The following RBMS1 variants were observed in gnomAD, a reference collection of about 807,000 sequenced individuals.
The protein encoded by RBMS1 is RNA-binding motif, single-stranded-interacting protein 1.
In RBMS1, 17 loss-of-function variants were observed where a neutral mutation model predicts 62.3. The observed-to-expected ratio is 0.27, with a 90% CI of 0.19 to 0.41. The LOEUF (loss-of-function observed/expected upper bound fraction) is 0.41, where lower values mean the gene tolerates loss of function less well. RBMS1 is among the 10% of genes least tolerant of loss of function. RBMS1 has a pLI of 1.00. For synonymous variants in RBMS1, 172 were observed against 170.0 expected (o/e 1.01, Z -0.09); for missense variants, 334 against 504.5 (o/e 0.66, Z 3.24).
At chr2:160,285,089 T>C in intron 7 of RBMS1, 45 bp from the exon 8 acceptor site, 1 of 1,577,164 alleles carries the variant, frequency 6.3e-7, no homozygotes, top group Non-Finnish European at 8.7e-7. Context: ...TAGAAAGGCA[T>C]GATTTAAAAA....
chr2:160,492,800 T>A (rs1283432132), intron 1 of RBMS1: 2 of 153,328 alleles, frequency 1.3e-5, no homozygotes, highest in African/African-American at 4.8e-5. Context: ...CCAGCCCCAG[T>A]CATCGCGTGC....
chr2:160,357,870 T>C (rs900894485), intron 2 of RBMS1, among the ~76,000 whole-genome samples: 1 of 152,180 alleles, frequency 6.6e-6, no homozygotes, highest in Non-Finnish European at 1.5e-5. Flanking sequence ...GATGGTTCTC[T>C]ATTGGGAAGC....
At chr2:160,308,353 C>T (rs1016053207) in intron 4 of RBMS1, among the ~76,000 whole-genome samples, 1 of 151,912 alleles carries the variant, frequency 6.6e-6, no homozygotes, top group African/African-American at 2.4e-5. Flanking sequence ...CCGATATCAC[C>T]CCACTGCACT....
intron 4 of RBMS1, among the ~76,000 whole-genome samples, chr2:160,311,221 T>TCTCTCTCTCTCTCTCC (rs1248792658): frequency 2.2e-5 from 1 of 45,142 alleles, no homozygotes; most frequent in African/African-American, 7.0e-5. Flanking sequence ...TCTATCTATC[T>TCTCTCTCTCTCTCTCC]ATCTATCTAT....
At chr2:160,375,970 C>T (rs1693975845) in intron 1 of RBMS1, among the ~76,000 whole-genome samples, 1 of 151,872 alleles carries the variant, frequency 6.6e-6, no homozygotes, top group African/African-American at 2.4e-5. Flanking sequence ...TTCAGAATAC[C>T]TCTGCAATGC....
chr2:160,314,438 C>T lies in RBMS1; in HGVS notation c.311-1191G>A, dbSNP rs148883601. 1.2e-3 allele frequency among the ~76,000 whole-genome samples: 177 copies of T among 152,196 alleles called. 1 individual carries two copies. The highest frequency in any genetic ancestry group is 4.2e-3 in the African/African-American group (173 of 41,534). On this transcript the variant is annotated intron_variant, in intron 3 of 13. Coordinates refer to ENST00000348849, the MANE Select transcript of RBMS1 (RefSeq NM_016836.4). ...AGGAGCTAGCCCTATCATTTACTTA[C>T]AGAAATATTACTAAGTAATATTTCT... is the stretch of plus-strand genomic sequence containing the variant.
At chr2:160,348,591 A>T (rs1166030734) in intron 2 of RBMS1, among the ~76,000 whole-genome samples, 3 of 152,148 alleles carry the variant, frequency 2.0e-5, no homozygotes, top group African/African-American at 7.2e-5. Flanking sequence ...CTGAGCCTGA[A>T]GAGCTTGTCT....
chr2:160,317,955 T>G (rs1443972657), intron 3 of RBMS1, among the ~76,000 whole-genome samples: 1 of 152,176 alleles, frequency 6.6e-6, no homozygotes, highest in African/African-American at 2.4e-5. Flanking sequence ...TCTGGAATTC[T>G]GGCAAACTGC....
intron 4 of RBMS1, among the ~76,000 whole-genome samples, chr2:160,306,814 T>C (rs984835152): frequency 1.3e-4 from 20 of 152,118 alleles, no homozygotes; most frequent in African/African-American, 4.1e-4. Context: ...AGACATATAA[T>C]GCATGTGATA....
chr2:160,313,142 G>A lies in RBMS1; in HGVS notation c.402+14C>T, dbSNP rs1690023687. On this transcript the variant is annotated intron_variant, in intron 4 of 13. Coordinates refer to ENST00000348849, the MANE Select transcript of RBMS1 (RefSeq NM_016836.4). ...GCTGTGGAACAGAGAAGCAATTGCT[G>A]GCTCTCAACTCACCTTTGCCATTTG... The A allele has an allele frequency of 6.2e-7, 1 of 1,611,172 alleles. No individual in the cohort carries two copies. Among genetic ancestry groups the A allele is most frequent in the East Asian group, 2.2e-5 (1 of 44,792 alleles).
chr2:160,342,204 A>C (rs578211907), intron 2 of RBMS1, among the ~76,000 whole-genome samples: 1 of 152,206 alleles, frequency 6.6e-6, no homozygotes, highest in Non-Finnish European at 1.5e-5. Context: ...ATAAAATTTT[A>C]AACATAAATA....
chr2:160,346,174 T>G (rs1463799366), intron 2 of RBMS1, among the ~76,000 whole-genome samples: 1 of 152,168 alleles, frequency 6.6e-6, no homozygotes, highest in Non-Finnish European at 1.5e-5. Context: ...TCTTTTGTTC[T>G]GGGTCTTTAC....
chr2:160,299,440 C>T (rs1306707921), intron 6 of RBMS1, among the ~76,000 whole-genome samples: 1 of 152,084 alleles, frequency 6.6e-6, no homozygotes, highest in Admixed American at 6.6e-5. Context: ...CACGTTTCCC[C>T]CCATTTCGTC....
At chr2:160,329,711 G>A (rs1199342111) in intron 2 of RBMS1, among the ~76,000 whole-genome samples, 1 of 151,804 alleles carries the variant, frequency 6.6e-6, no homozygotes, top group African/African-American at 2.4e-5. Context: ...CTGTTTTCCA[G>A]ATAATGATGT....
At chr2:160,358,573 T>C (rs62177308) in intron 2 of RBMS1, among the ~76,000 whole-genome samples, 11,667 of 152,170 alleles carry the variant, frequency 0.077, 636 homozygotes, top group South Asian at 0.19. Context: ...AATGAGTTGT[T>C]TTCTGGAACA....
intron 1 of RBMS1, among the ~76,000 whole-genome samples, chr2:160,450,563 TGAA>T (rs1683929793): frequency 8.2e-6 from 1 of 122,392 alleles, no homozygotes; most frequent in African/African-American, 3.0e-5. Context: ...AAATAAAAAA[TGAA>T]AAAAAAAAAA....
chr2:160,361,640 C>T (rs1484557758), intron 2 of RBMS1, among the ~76,000 whole-genome samples: 3 of 152,224 alleles, frequency 2.0e-5, no homozygotes, highest in Non-Finnish European at 1.5e-5. Context: ...TAAAAAAGCC[C>T]GGTGTGCATA....
intron 10 of RBMS1, 73 bp from the exon 11 acceptor site, chr2:160,278,731 A>T: frequency 1.1e-6 from 1 of 899,376 alleles, no homozygotes; most frequent in Non-Finnish European, 1.7e-6. Flanking sequence ...TACTTTTTAC[A>T]AAGGAAATAC....
chr2:160,455,972 C>G (rs1302894316), intron 1 of RBMS1, among the ~76,000 whole-genome samples: 1 of 151,624 alleles, frequency 6.6e-6, no homozygotes, highest in Non-Finnish European at 1.5e-5. Flanking sequence ...CGTGAGCCAC[C>G]GCGCCCGGCC....
Sources: gnomAD v4.1 joint callset for allele counts (sites outside exome capture counted in the v4.1 genomes callset) on GRCh38, gnomAD v4.1.1 for gene constraint, MANE v1.5 for transcripts, NCBI Gene and HGNC (gene_info 2026-07-23, HGNC 2026-07-21) for gene names.